TBK1: variants seen among roughly 807,000 people sequenced by gnomAD.
TBK1 encodes the protein serine/threonine-protein kinase TBK1.
In TBK1, 37 loss-of-function variants were observed where a neutral mutation model predicts 99.9. The ratio of observed to expected loss-of-function variants is 0.37; its 90% CI spans 0.28 to 0.49. The LOEUF (loss-of-function observed/expected upper bound fraction) is 0.49. Among genes scored for constraint, TBK1 ranks in the 20% least tolerant of loss-of-function variants. The pLI is 0.98. For missense variants in TBK1, 644 were observed against 872.5 expected (o/e 0.74, Z 3.30); for synonymous variants, 258 against 279.8 (o/e 0.92, Z 0.78).
Position 64,474,079 on chromosome 12 carries a change from A to G in TBK1, c.541-151A>G, listed in dbSNP as rs555453026. 298 of 677,606 alleles carry G rather than the reference A, an allele frequency of 4.4e-4. 1 individual carries two copies. The highest frequency in any genetic ancestry group is 6.5e-4 in the Non-Finnish European group (275 of 420,534). 42.0% of individuals were successfully genotyped at this position (677,606 alleles called of 1,614,324 possible). A position where few individuals can be genotyped will look rare whatever the true frequency, so the allele number is the denominator to read the frequency against. On this transcript the variant is annotated intron_variant, in intron 5 of 20. Coordinates refer to ENST00000331710, the MANE Select transcript of TBK1 (RefSeq NM_013254.4). ...GGAGGTGGTGGAGGTTTGAGGAGGG[A>G]GGGGAAGATGTGAAATAGTCTTTTC...
rs149216197 is a variant in TBK1 at position 64,474,601 on chromosome 12, A to G, written c.701+211A>G. 3.2e-3 allele frequency among the ~76,000 whole-genome samples: 481 copies of G among 152,344 alleles called. 5 individuals are homozygous for G. Among genetic ancestry groups the G allele is most frequent in the African/African-American group, 0.011 (461 of 41,564 alleles). ...ATTTATGTTTAAATATCTTATATACACAGTATAAATGGTATTCAGTCTTTG... is the reference window on the plus strand; with the variant it reads ...ATTTATGTTTAAATATCTTATATACGCAGTATAAATGGTATTCAGTCTTTG... On this transcript the variant is annotated intron_variant, in intron 6 of 20. Transcript: ENST00000331710.
intron 19 of TBK1, 22 bp from the exon 20 acceptor site, chr12:64,497,946 A>C (rs1485750260): frequency 6.3e-7 from 1 of 1,599,118 alleles, no homozygotes; most frequent in South Asian, 1.1e-5. Context: ...TTTTGAGCAA[A>C]GGTGCTTGTT....
rs1297977476 is a variant in TBK1 at position 64,464,417 on chromosome 12, C to T, written c.312C>T (p.Ala104=). The change falls in exon 4 of 21, where the codon GCC becomes GCT. Residue 104 remains alanine, a synonymous_variant. Coordinates refer to ENST00000331710, the MANE Select transcript of TBK1 (RefSeq NM_013254.4). ...LYTVLEEPSN[A]YGLPESEFLI... ...CTGTTTTAGAAGAACCTTCTAATGCCTATGGACTACCAGAATCTGAATTCT... is the reference window on the plus strand; with the variant it reads ...CTGTTTTAGAAGAACCTTCTAATGCTTATGGACTACCAGAATCTGAATTCT... 3 of 1,602,732 alleles carry T rather than the reference C, an allele frequency of 1.9e-6. No individual in the cohort carries two copies. The highest frequency in any genetic ancestry group is 2.6e-6 in the Non-Finnish European group (3 of 1,173,940).
chr12:64,500,243 C>G (rs1429003827), intron 20 of TBK1, among the ~76,000 whole-genome samples: 1 of 152,120 alleles, frequency 6.6e-6, no homozygotes, highest in Admixed American at 6.6e-5. Flanking sequence ...ACTATCACTT[C>G]AAATTTTTTT....
intron 5 of TBK1, among the ~76,000 whole-genome samples, chr12:64,471,515 G>A (rs1233516981): frequency 2.0e-5 from 3 of 151,994 alleles, no homozygotes; most frequent in Admixed American, 6.6e-5. Flanking sequence ...ACTACACCCA[G>A]CTAATTTTTG....
chr12:64,489,735 A>ATTTT (rs539156355), intron 12 of TBK1, among the ~76,000 whole-genome samples: 66 of 137,108 alleles, frequency 4.8e-4, no homozygotes, highest in African/African-American at 1.6e-3. Context: ...CGCCCGGCTT[A>ATTTT]TTTTTTTTTT....
At chr12:64,477,794 T>C (rs367888990) in intron 6 of TBK1, among the ~76,000 whole-genome samples, 43 of 152,328 alleles carry the variant, frequency 2.8e-4, no homozygotes, top group African/African-American at 9.6e-4. Context: ...ATGGCTCTTA[T>C]TATTTTGAGA....
chr12:64,483,588 G>A (rs909058748), intron 8 of TBK1, among the ~76,000 whole-genome samples: 1 of 152,246 alleles, frequency 6.6e-6, no homozygotes, highest in Non-Finnish European at 1.5e-5. Context: ...AGGAAACAGT[G>A]CAGAGGAGTT....
intron 4 of TBK1, among the ~76,000 whole-genome samples, chr12:64,466,053 T>C (rs2040600259): frequency 6.6e-6 from 1 of 152,170 alleles, no homozygotes. Context: ...ATTCTTGAAC[T>C]TGTCACTGGA....
intron 5 of TBK1, among the ~76,000 whole-genome samples, chr12:64,469,810 C>T (rs1290215942): frequency 1.3e-5 from 2 of 151,408 alleles, no homozygotes; most frequent in African/African-American, 4.9e-5. Context: ...TTTTCCCCAA[C>T]CCCACTTTCT....
rs117700219 is a variant in TBK1 at position 64,468,012 on chromosome 12, A to T, written c.540+930A>T. ...AGACCAGTCTGGGCACAATGACAAG[A>T]CCCCATCTCTGCAAAAAATTACAAA... is the stretch of plus-strand genomic sequence containing the variant. On this transcript the variant is annotated intron_variant, in intron 5 of 20. Transcript: ENST00000331710. Among the ~76,000 whole-genome samples, 948 of 151,966 alleles carry T rather than the reference A, an allele frequency of 6.2e-3. 9 individuals carry two copies. Among genetic ancestry groups the T allele is most frequent in the Admixed American group, 0.012 (182 of 15,250 alleles).
At chr12:64,461,668 A>G (rs182839964) in intron 3 of TBK1, among the ~76,000 whole-genome samples, 2 of 152,290 alleles carry the variant, frequency 1.3e-5, no homozygotes, top group East Asian at 3.9e-4. Context: ...TACCAATTGC[A>G]AAGGAGTTTG....
intron 1 of TBK1, among the ~76,000 whole-genome samples, chr12:64,454,622 T>G (rs1363967416): frequency 6.6e-6 from 1 of 152,008 alleles, no homozygotes; most frequent in Non-Finnish European, 1.5e-5. Context: ...TGTTTTTTTT[T>G]TCAAAGCTCA....
At chr12:64,478,454 G>C (rs2040736788) in intron 6 of TBK1, among the ~76,000 whole-genome samples, 1 of 152,126 alleles carries the variant, frequency 6.6e-6, no homozygotes, top group South Asian at 2.1e-4. Flanking sequence ...CACCCAGCCT[G>C]GCCCTATCTT....
At chr12:64,498,937 C>T (rs2040957759) in intron 20 of TBK1, among the ~76,000 whole-genome samples, 1 of 140,822 alleles carries the variant, frequency 7.1e-6, no homozygotes, top group African/African-American at 2.6e-5. Context: ...GCCTGGGTGA[C>T]AGAGTGAGAC....
In TBK1 at chr12:64,497,168, T is replaced by C; in HGVS notation, c.1868T>C (p.Met623Thr). Residue 623 changes from methionine to threonine, a missense_variant, in exon 18 of 21, where the codon ATG becomes ACG. Met to Thr is a moderately conservative substitution (Grantham distance 81, BLOSUM62 -1). Transcript: ENST00000331710. ...TGATTCTTTTTGGTTTTCAGAAAGA[T>C]GCTTCATCTTAGGAAACAGTTATTA... The part of the protein sequence containing the change: ...LNKSEEWIRK[M>T]LHLRKQLLSL... The C allele has an allele frequency of 6.3e-7, 1 of 1,594,946 alleles. No homozygotes were observed. Among genetic ancestry groups the C allele is most frequent in the Non-Finnish European group, 8.5e-7 (1 of 1,170,278 alleles).
chr12:64,466,632 G>A (rs1205560871), intron 4 of TBK1, among the ~76,000 whole-genome samples: 1 of 151,900 alleles, frequency 6.6e-6, no homozygotes, highest in Non-Finnish European at 1.5e-5. Context: ...GCTTAAGACT[G>A]TTTTGTTACA....
chr12:64,494,789 A>G (rs1246751350), intron 13 of TBK1, among the ~76,000 whole-genome samples: 2 of 152,228 alleles, frequency 1.3e-5, no homozygotes, highest in Non-Finnish European at 2.9e-5. Flanking sequence ...GCCAGTGCTG[A>G]CAAGAGTGTG....
chr12:64,477,655 C>T (rs77974156), intron 6 of TBK1, among the ~76,000 whole-genome samples: 2 of 152,030 alleles, frequency 1.3e-5, no homozygotes, highest in African/African-American at 4.8e-5. Flanking sequence ...TTTGTCTTAC[C>T]TGATTGCTCT....
Sources: gnomAD v4.1 joint callset for allele counts (sites outside exome capture counted in the v4.1 genomes callset) on GRCh38, gnomAD v4.1.1 for gene constraint, MANE v1.5 for transcripts, NCBI Gene and HGNC (gene_info 2026-07-23, HGNC 2026-07-21) for gene names.